Variants in MEIS2 observed in about 807,000 individuals in gnomAD.
MEIS2 encodes the protein homeobox protein Meis2.
Under a neutral mutation model 58.6 loss-of-function variants are expected in MEIS2, and 9 were observed. The ratio of observed to expected loss-of-function variants is 0.15; its 90% CI spans 0.09 to 0.27. The LOEUF (loss-of-function observed/expected upper bound fraction) is 0.27. MEIS2 is among the 10% of genes least tolerant of loss of function. MEIS2 has a pLI of 1.00. For synonymous variants in MEIS2, 221 were observed against 228.4 expected (o/e 0.97, Z 0.29); for missense variants, 427 against 635.0 (o/e 0.67, Z 3.52).
intron 7 of MEIS2, among the ~76,000 whole-genome samples, chr15:37,072,801 T>C (rs1053594902): frequency 3.9e-5 from 6 of 152,084 alleles, no homozygotes; most frequent in African/African-American, 1.4e-4. Flanking sequence ...TAACATTAGG[T>C]ATATCTCCTA....
At chr15:36,981,143 C>T (rs1255133633) in intron 8 of MEIS2, among the ~76,000 whole-genome samples, 1 of 151,756 alleles carries the variant, frequency 6.6e-6, no homozygotes, top group Non-Finnish European at 1.5e-5. Flanking sequence ...GTAATTTACT[C>T]CAAATAGAAA....
chr15:37,040,479 G>A (rs1386675801), intron 7 of MEIS2, among the ~76,000 whole-genome samples: 1 of 152,146 alleles, frequency 6.6e-6, no homozygotes, highest in Non-Finnish European at 1.5e-5. Flanking sequence ...AGTGGGTTAC[G>A]TATGTGCACA....
intron 7 of MEIS2, among the ~76,000 whole-genome samples, chr15:37,052,409 G>A (rs1042141903): frequency 1.3e-5 from 2 of 152,304 alleles, no homozygotes; most frequent in Admixed American, 6.5e-5. Flanking sequence ...CTCGCCTAAA[G>A]TCACGTGGCT....
chr15:37,099,280 G>A, intron 1 of MEIS2, 175 bp downstream of exon 1: 2 of 1,471,952 alleles, frequency 1.4e-6, no homozygotes, highest in Non-Finnish European at 1.8e-6. Flanking sequence ...TCGCACACAC[G>A]CAGAGGCACG....
At chr15:36,983,696 T>G (rs2060004465) in intron 8 of MEIS2, among the ~76,000 whole-genome samples, 2 of 152,084 alleles carry the variant, frequency 1.3e-5, no homozygotes, top group Non-Finnish European at 2.9e-5. Context: ...CATTGGAATT[T>G]TGATAAGGAT....
chr15:36,946,670 A>C (rs543443362), intron 9 of MEIS2, among the ~76,000 whole-genome samples: 2 of 152,102 alleles, frequency 1.3e-5, no homozygotes, highest in African/African-American at 4.8e-5. Context: ...GCTATCTTAC[A>C]TGCCAGCACC....
At chr15:37,022,239 G>A (rs889659447) in intron 8 of MEIS2, among the ~76,000 whole-genome samples, 5 of 151,824 alleles carry the variant, frequency 3.3e-5, no homozygotes, top group African/African-American at 1.2e-4. Flanking sequence ...TCATTATTAA[G>A]TTAGATATTT....
chr15:36,895,433 T>A (rs767465421), intron 10 of MEIS2, 172 bp from the exon 11 acceptor site: 6 of 591,114 alleles, frequency 1.0e-5, no homozygotes, highest in Non-Finnish European at 1.8e-5. Flanking sequence ...GGTGTGTGAG[T>A]AGCTTTAAAA....
intron 8 of MEIS2, among the ~76,000 whole-genome samples, chr15:36,966,937 G>T (rs2141450112): frequency 6.6e-6 from 1 of 152,258 alleles, no homozygotes; most frequent in South Asian, 2.1e-4. Flanking sequence ...GAGTGAGAGG[G>T]GCTCAGTGGA....
chr15:36,986,772 G>A (rs531124135), intron 8 of MEIS2, among the ~76,000 whole-genome samples: 15 of 152,242 alleles, frequency 9.9e-5, no homozygotes, highest in African/African-American at 3.1e-4. Flanking sequence ...TTTCAAAAGC[G>A]TTATCTTGTT....
Position 37,098,146 on chromosome 15 carries a change from G to A in MEIS2, c.66C>T (p.Ser22=). Residue 22 remains serine, a synonymous_variant, in exon 2 of 12, where the codon TCC becomes TCT. Transcript: ENST00000561208. ...GCGGCGCGTGAGGGTCTCCGTACAT[G>A]GAAGCGGGAACCCCTACTCCGTCCA... is the stretch of plus-strand genomic sequence containing the variant. The part of the protein sequence containing the change: ...GGMDGVGVPA[S]MYGDPHAPRP... The A allele has an allele frequency of 1.2e-6, 2 of 1,612,852 alleles. No homozygotes were observed. The highest frequency in any genetic ancestry group is 4.5e-5 in the East Asian group (2 of 44,842).
chr15:36,894,140 C>T (rs1177650404), intron 11 of MEIS2, among the ~76,000 whole-genome samples: 1 of 152,070 alleles, frequency 6.6e-6, no homozygotes, highest in Non-Finnish European at 1.5e-5. Context: ...CTTTCTGTCT[C>T]ATGTCGGAAG....
intron 8 of MEIS2, among the ~76,000 whole-genome samples, chr15:36,999,859 A>G (rs985493255): frequency 2.0e-5 from 3 of 152,176 alleles, no homozygotes; most frequent in South Asian, 2.1e-4. Context: ...CTGGGAGTGT[A>G]ATTTTTAAAC....
intron 9 of MEIS2, among the ~76,000 whole-genome samples, chr15:36,928,885 G>A (rs1266385006): frequency 6.6e-6 from 1 of 151,922 alleles, no homozygotes; most frequent in Non-Finnish European, 1.5e-5. Context: ...ACCCTCATAC[G>A]CTCTTGGAAA....
intron 2 of MEIS2, chr15:37,097,271 C>A (rs1161000961): frequency 6.6e-6 from 1 of 152,256 alleles, no homozygotes; most frequent in African/African-American, 2.4e-5. Flanking sequence ...GCCCACCTAC[C>A]CTCAGCCGGA....
intron 7 of MEIS2, among the ~76,000 whole-genome samples, chr15:37,065,576 C>T (rs1349051506): frequency 6.6e-6 from 1 of 151,996 alleles, no homozygotes; most frequent in East Asian, 1.9e-4. Context: ...ATATTTCAAG[C>T]CAGATAAAAA....
At chr15:37,023,005 C>T (rs2061576373) in intron 8 of MEIS2, among the ~76,000 whole-genome samples, 1 of 152,156 alleles carries the variant, frequency 6.6e-6, no homozygotes, top group South Asian at 2.1e-4. Flanking sequence ...TTATTAGGGA[C>T]ACTAATCCTT....
intron 8 of MEIS2, among the ~76,000 whole-genome samples, chr15:37,014,578 T>G (rs184920030): frequency 6.6e-6 from 1 of 152,318 alleles, no homozygotes; most frequent in East Asian, 1.9e-4. Context: ...GATTTGAACT[T>G]AATTCTGGAA....
chr15:37,023,469 T>G (rs543994466), intron 8 of MEIS2, among the ~76,000 whole-genome samples: 1 of 152,348 alleles, frequency 6.6e-6, no homozygotes, highest in African/African-American at 2.4e-5. Context: ...TTGACTTTTC[T>G]TAGTTGTTTT....
Sources: gnomAD v4.1 joint callset for allele counts (sites outside exome capture counted in the v4.1 genomes callset) on GRCh38, gnomAD v4.1.1 for gene constraint, MANE v1.5 for transcripts, NCBI Gene and HGNC (gene_info 2026-07-23, HGNC 2026-07-21) for gene names.